ARRDC1: variants seen among roughly 807,000 people sequenced by gnomAD.
ARRDC1 encodes the protein arrestin domain-containing protein 1.
ARRDC1 carries 37 observed loss-of-function variants against 40.1 expected under a neutral mutation model. The observed-to-expected ratio is 0.92, with a 90% confidence interval of 0.71 to 1.21. The LOEUF (loss-of-function observed/expected upper bound fraction) is 1.21, where lower values mean the gene tolerates loss of function less well. Ranked by LOEUF, ARRDC1 falls within the 50% of genes most tolerant of loss-of-function variation. ARRDC1 has a pLI of 0.00. For missense variants in ARRDC1, 641 were observed against 581.9 expected, an observed-to-expected ratio of 1.10 and a Z score of -1.04; for synonymous variants, 310 against 262.5, an observed-to-expected ratio of 1.18 and a Z score of -1.75.
Position 137,614,216 on chromosome 9 carries a change from T to G in ARRDC1, c.618+2T>G. ...CCTGTGGTGGCCAGTCTGCTGCAGG[T>G]CAGAGCCCCCGCCAGTTGCCTGGAC... On this transcript the variant is annotated splice_donor_variant, in intron 5 of 7. Coordinates refer to ENST00000371421, the MANE Select transcript of ARRDC1 (RefSeq NM_152285.4). LOFTEE classifies it high-confidence loss of function. 6 of 1,589,266 alleles carry G rather than the reference T, an allele frequency of 3.8e-6. No individual in the cohort carries two copies. Among genetic ancestry groups the G allele is most frequent in the Non-Finnish European group, 5.2e-6 (6 of 1,163,908 alleles).
intron 1 of ARRDC1, among the ~76,000 whole-genome samples, chr9:137,608,933 G>A (rs921938215): frequency 1.3e-5 from 2 of 152,356 alleles, no homozygotes; most frequent in Middle Eastern, 3.4e-3. Context: ...CTGCATGGGC[G>A]TTGGGAAGAT....
In ARRDC1 at chr9:137,614,961, A is replaced by T. The variant is rs1461567541; in HGVS notation, c.1198A>T (p.Ile400Phe). The T allele has an allele frequency of 1.2e-6, 2 of 1,613,778 alleles. No individual in the cohort carries two copies. The highest frequency in any genetic ancestry group is 2.2e-5 in the South Asian group (2 of 91,074). ...GGPVPTTSTL[I>F]LPPEYSSWGY... is the part of the protein sequence containing the mutation. Reference sequence around the variant, plus strand: ...GCCAGTGCCCACTACCAGCACCTTGATTCTTCCTCCAGAGTACAGTTCTTG... The same window carrying T: ...GCCAGTGCCCACTACCAGCACCTTGTTTCTTCCTCCAGAGTACAGTTCTTG... The change falls in exon 7 of 8, where the codon ATT (isoleucine) becomes TTT (phenylalanine). Residue 400 changes from isoleucine to phenylalanine, a missense_variant. Physicochemically the swap from Ile to Phe is conservative, Grantham distance 21. Coordinates refer to ENST00000371421, the MANE Select transcript of ARRDC1 (RefSeq NM_152285.4).
At chr9:137,608,624 T>G (rs767738521) in intron 1 of ARRDC1, among the ~76,000 whole-genome samples, 36 of 152,228 alleles carry the variant, frequency 2.4e-4, no homozygotes, top group Non-Finnish European at 4.6e-4. Context: ...CCTGCCTGAT[T>G]CGATGATTTG....
intron 1 of ARRDC1, among the ~76,000 whole-genome samples, chr9:137,606,098 G>C (rs1025688773): frequency 1.3e-5 from 2 of 151,858 alleles, no homozygotes; most frequent in African/African-American, 4.8e-5. Flanking sequence ...GACGCCCTGA[G>C]CGCGGGCGCA....
chr9:137,605,761 G>A lies in ARRDC1; in HGVS notation c.44G>A (p.Arg15His), dbSNP rs751779927. 1.0e-5 allele frequency: 14 copies of A among 1,370,330 alleles called. No individual in the cohort carries two copies. In the Admixed American group the frequency reaches 4.3e-4, roughly 42 times the overall value. 84.9% of individuals were successfully genotyped at this position (1,370,330 alleles called of 1,614,324 possible). A position where few individuals can be genotyped will look rare whatever the true frequency, so the allele number is the denominator to read the frequency against. Residue 15 changes from arginine to histidine, a missense_variant, in exon 1 of 8, where the codon CGC (arginine) becomes CAC (histidine). Coordinates refer to ENST00000371421, the MANE Select transcript of ARRDC1 (RefSeq NM_152285.4). ...TTCGAGATCAGCCTGAGCCACGGCCGCGTCGTCTACAGCCCCGGGGAGCCG... is the reference window on the plus strand; with the variant it reads ...TTCGAGATCAGCCTGAGCCACGGCCACGTCGTCTACAGCCCCGGGGAGCCG... The part of the protein sequence containing the change: ...QLFEISLSHG[R>H]VVYSPGEPLA...
chr9:137,613,382 C>T, intron 2 of ARRDC1, 78 bp from the exon 3 acceptor site: 1 of 1,503,176 alleles, frequency 6.7e-7, no homozygotes, highest in Non-Finnish European at 9.0e-7. Flanking sequence ...CTGCAGTGCC[C>T]ACTCTTATCC....
In ARRDC1 at chr9:137,613,800, G is replaced by A. The variant is rs753731954; in HGVS notation, c.435+31G>A. The A allele has an allele frequency of 2.5e-6, 4 of 1,611,152 alleles. No individual in the cohort carries two copies. In the South Asian group the frequency reaches 4.4e-5, roughly 18 times the overall value. ...GATGGCACAGTGACCTCCTTGGTGG[G>A]TCCCCACCCTCATGGAGGCTGGGGA... On this transcript the variant is annotated intron_variant, in intron 4 of 7. Transcript: ENST00000371421.
intron 1 of ARRDC1, among the ~76,000 whole-genome samples, chr9:137,609,906 C>T (rs376376041): frequency 1.1e-4 from 16 of 152,208 alleles, no homozygotes; most frequent in East Asian, 3.9e-4. Flanking sequence ...CTCCACCTTC[C>T]GGGTTCACGC....
intron 1 of ARRDC1, among the ~76,000 whole-genome samples, chr9:137,609,209 C>T (rs1481108542): frequency 6.6e-6 from 1 of 152,098 alleles, no homozygotes; most frequent in Non-Finnish European, 1.5e-5. Flanking sequence ...TTGTGTTCCA[C>T]CTCCCTCCAA....
chr9:137,614,944 C>G lies in ARRDC1; in HGVS notation c.1181C>G (p.Pro394Arg). 6.2e-7 allele frequency: 1 copy of G among 1,613,948 alleles called. No individual in the cohort carries two copies. The highest frequency in any genetic ancestry group is 8.5e-7 in the Non-Finnish European group (1 of 1,180,002). The part of the protein sequence containing the change: ...YFAEGSGGPV[P>R]TTSTLILPPE... ...GCAGAGGGCTCCGGGGGGCCAGTGC[C>G]CACTACCAGCACCTTGATTCTTCCT... Residue 394 changes from proline (P) to arginine (R), a missense_variant, in exon 7 of 8, where the codon CCC (proline) becomes CGC (arginine). Transcript: ENST00000371421.
Position 137,613,631 on chromosome 9 carries a change from CTT to C in ARRDC1, c.299_300del (p.Phe100Ter). Reference protein sequence around the residue: ...FLLPATAPTSFEGPFGKIVHQ... With the variant: ...FLLPATAPTSXEGPFGKIVHQ... ...TCTCCCCAGCCACTGCACCCACGTC[CTT>C]TGAGGGTCCTTTCGGGAAGATCGTG... On this transcript the variant is annotated frameshift_variant, in exon 4 of 8. Transcript: ENST00000371421. LOFTEE classifies it high-confidence loss of function. The C allele has an allele frequency of 6.2e-7, 1 of 1,614,240 alleles. No individual in the cohort carries two copies. The highest frequency in any genetic ancestry group is 1.1e-5 in the South Asian group (1 of 91,088).
intron 1 of ARRDC1, chr9:137,611,586 CA>C (rs34396298): frequency 0.053 from 5,955 of 112,476 alleles, 386 homozygotes; most frequent in African/African-American, 0.16. Context: ...ACAACAACAA[CA>C]AAAAAACAAA....
At position 137,614,975 on chromosome 9, in the gene ARRDC1, G is replaced by A. The variant is rs777920141; in HGVS notation, c.1212G>A (p.Glu404=). The part of the protein sequence containing the change: ...PTTSTLILPP[E]YSSWGYPYEA... ...CCAGCACCTTGATTCTTCCTCCAGA[G>A]TACAGTTCTTGGGGCTACCCCTATG... Residue 404 remains glutamate (E), a synonymous_variant, in exon 7 of 8, where the codon GAG becomes GAA. Transcript: ENST00000371421. The A allele has an allele frequency of 3.7e-6, 6 of 1,613,760 alleles. No individual in the cohort carries two copies. The highest frequency in any genetic ancestry group is 4.2e-6 in the Non-Finnish European group (5 of 1,179,936).
chr9:137,609,599 A>T (rs927239453), intron 1 of ARRDC1, among the ~76,000 whole-genome samples: 2 of 151,698 alleles, frequency 1.3e-5, no homozygotes, highest in African/African-American at 4.9e-5. Flanking sequence ...GCAGTGGTAC[A>T]ATCTTGGCTC....
In ARRDC1 at chr9:137,614,331, C is replaced by T. The variant is rs755828826; in HGVS notation, c.651C>T (p.His217=). 1.6e-5 allele frequency: 25 copies of T among 1,609,878 alleles called. No homozygotes were observed. Among genetic ancestry groups the T allele is most frequent in the African/African-American group, 2.7e-5 (2 of 74,882 alleles). Reference sequence around the variant, plus strand: ...CCTATAAGGCCAAGCGCTGGATCCACGACGTACGGACCATTGCGGAGGTGG... The same window carrying T: ...CCTATAAGGCCAAGCGCTGGATCCATGACGTACGGACCATTGCGGAGGTGG... ...KVSYKAKRWI[H]DVRTIAEVEG... is the part of the protein sequence containing the mutation. Residue 217 remains histidine, a synonymous_variant, in exon 6 of 8, where the codon CAC becomes CAT. Coordinates refer to ENST00000371421, the MANE Select transcript of ARRDC1 (RefSeq NM_152285.4).
chr9:137,614,266 C>T, intron 5 of ARRDC1, 33 bp from the exon 6 acceptor site: 6 of 1,577,116 alleles, frequency 3.8e-6, no homozygotes, highest in Non-Finnish European at 5.2e-6. Context: ...GGGCTGGCAG[C>T]CTGCGCAGGC....
At chr9:137,605,931 G>C (rs1842414750) in intron 1 of ARRDC1, 96 bp downstream of exon 1, 1 of 755,104 alleles carries the variant, frequency 1.3e-6, no homozygotes, top group Non-Finnish European at 1.8e-6. Context: ...GGTTGGGCCC[G>C]CGGAGTCGCT....
rs751441429 is a variant in ARRDC1, at chr9:137,614,397, C to G, written c.717C>G (p.His239Gln). 11 of 1,613,110 alleles carry G rather than the reference C, an allele frequency of 6.8e-6. No individual in the cohort carries two copies. The highest frequency in any genetic ancestry group is 9.3e-6 in the Non-Finnish European group (11 of 1,179,916). ...AGGCCTGGCGGCGGGCGCAGTGGCA[C>G]GAGCAGATCCTGGTGCCTGCCTTGC... is the stretch of plus-strand genomic sequence containing the variant. ...GVKAWRRAQW[H>Q]EQILVPALPQ... The change falls in exon 6 of 8, where the codon CAC becomes CAG. Residue 239 changes from histidine to glutamine, a missense_variant. His to Gln is a conservative substitution (Grantham distance 24). Coordinates refer to ENST00000371421, the MANE Select transcript of ARRDC1 (RefSeq NM_152285.4).
chr9:137,607,532 C>A (rs1272635632), intron 1 of ARRDC1, among the ~76,000 whole-genome samples: 1 of 152,224 alleles, frequency 6.6e-6, no homozygotes, highest in East Asian at 1.9e-4. Context: ...TCAGGCAGGA[C>A]CACTTCTTGT....
Sources: allele counts gnomAD v4.1 joint callset (sites outside exome capture counted in the v4.1 genomes callset), GRCh38; gene constraint gnomAD v4.1.1; transcripts MANE v1.5; gene names NCBI Gene and HGNC (gene_info 2026-07-23, HGNC 2026-07-21).